The following GSE1 variants were observed in gnomAD, a reference collection of about 807,000 sequenced individuals.
GSE1 encodes the protein Gse1 coiled-coil protein.
In GSE1, 32 loss-of-function variants were observed where a neutral mutation model predicts 112.6. The observed-to-expected ratio is 0.28, with a 90% CI of 0.21 to 0.38. The LOEUF (loss-of-function observed/expected upper bound fraction) is 0.38, where lower values mean the gene tolerates loss of function less well. Among genes scored for constraint, GSE1 ranks in the 10% least tolerant of loss-of-function variants. The pLI is 1.00. For missense variants in GSE1, 2,348 were observed against 1,699.2 expected, an observed-to-expected ratio of 1.38 and a Z score of -6.71; for synonymous variants, 1,115 against 735.6, an observed-to-expected ratio of 1.52 and a Z score of -8.35.
At chr16:85,184,998 A>C (rs748234476) in intron 1 of GSE1, 1 of 152,208 alleles carries the variant, frequency 6.6e-6, no homozygotes, top group East Asian at 1.9e-4. Context: ...GTGTGTGTCT[A>C]TCAGTTGCTA....
At position 85,618,065 on chromosome 16, in the gene GSE1, C is replaced by T. The variant is rs555074372; in HGVS notation, c.7+4667C>T. On this transcript the variant is annotated intron_variant, in intron 1 of 15. Coordinates refer to ENST00000253458, the MANE Select transcript of GSE1 (RefSeq NM_014615.5). Reference sequence around the variant, plus strand: ...TAAAGGGGCTTACAAATGCAGAGTCCCACTGGCATGGGTGGATTCGTGTTC... The same window carrying T: ...TAAAGGGGCTTACAAATGCAGAGTCTCACTGGCATGGGTGGATTCGTGTTC... Among the ~76,000 whole-genome samples the T allele has an allele frequency of 2.6e-5, 4 of 152,230 alleles. No individual in the cohort carries two copies. The South Asian group carries it at 6.2e-4, about 24-fold the overall frequency.
intron 1 of GSE1, among the ~76,000 whole-genome samples, chr16:85,189,864 C>T (rs562217190): frequency 6.6e-6 from 1 of 152,148 alleles, no homozygotes; most frequent in African/African-American, 2.4e-5. Context: ...TAATGATGTC[C>T]CCCCTTTCAT....
chr16:85,364,654 G>T (rs75905102), intron 2 of GSE1, among the ~76,000 whole-genome samples: 1 of 152,008 alleles, frequency 6.6e-6, no homozygotes, highest in African/African-American at 2.4e-5. Flanking sequence ...CATCACCAGC[G>T]GGCACGGGCA....
chr16:85,470,694 C>T (rs985747618), intron 2 of GSE1, among the ~76,000 whole-genome samples: 2 of 152,220 alleles, frequency 1.3e-5, no homozygotes, highest in African/African-American at 2.4e-5. Flanking sequence ...TGAGCAGGTG[C>T]GCTTGCAGCC....
intron 2 of GSE1, among the ~76,000 whole-genome samples, chr16:85,646,892 A>AGGGGGG (rs55946477): frequency 2.3e-5 from 3 of 128,836 alleles, no homozygotes; most frequent in South Asian, 5.2e-4. Context: ...CCCCACAACA[A>AGGGGGG]GGGGGGGGGT....
At chr16:85,187,493 C>T (rs2074729671) in intron 1 of GSE1, among the ~76,000 whole-genome samples, 1 of 152,252 alleles carries the variant, frequency 6.6e-6, no homozygotes, top group African/African-American at 2.4e-5. Context: ...CCCATTCTTG[C>T]TCAGTGTCAC....
chr16:85,621,934 C>T (rs373082333), intron 1 of GSE1, among the ~76,000 whole-genome samples: 2 of 152,136 alleles, frequency 1.3e-5, no homozygotes, highest in Non-Finnish European at 2.9e-5. Context: ...CTTCTCATGG[C>T]GCAACAAGAA....
At chr16:85,233,616 A>G (rs1472084236) in intron 1 of GSE1, among the ~76,000 whole-genome samples, 2 of 151,986 alleles carry the variant, frequency 1.3e-5, no homozygotes, top group East Asian at 1.9e-4. Flanking sequence ...TGGCCTCTGC[A>G]TGTGTGTGTG....
intron 1 of GSE1, among the ~76,000 whole-genome samples, chr16:85,241,744 C>T (rs1403715746): frequency 2.6e-5 from 4 of 152,114 alleles, no homozygotes; most frequent in East Asian, 1.9e-4. Context: ...TTCCTGGAGG[C>T]GGTGTGGCTC....
intron 2 of GSE1, among the ~76,000 whole-genome samples, chr16:85,538,282 C>T (rs1487155306): frequency 1.3e-5 from 2 of 152,246 alleles, no homozygotes; most frequent in Non-Finnish European, 2.9e-5. Context: ...CTGAGCCCTG[C>T]AAAAGGCAAA....
chr16:85,671,449 A>G (rs2053330199), intron 15 of GSE1, among the ~76,000 whole-genome samples: 1 of 148,748 alleles, frequency 6.7e-6, no homozygotes, highest in African/African-American at 2.5e-5. Context: ...CAAAAAAAAA[A>G]AAAAAAAAGA....
intron 2 of GSE1, among the ~76,000 whole-genome samples, chr16:85,438,921 CG>C (rs1261151044): frequency 3.9e-5 from 6 of 152,330 alleles, no homozygotes; most frequent in Admixed American, 3.3e-4. Context: ...GGGATCCCCC[CG>C]CGGCCTCCTG....
At chr16:85,567,385 C>A (rs935983521) in intron 1 of GSE1, among the ~76,000 whole-genome samples, 1 of 152,226 alleles carries the variant, frequency 6.6e-6, no homozygotes, top group African/African-American at 2.4e-5. Context: ...GGGGCCTCAG[C>A]TGGGAAGACT....
intron 2 of GSE1, among the ~76,000 whole-genome samples, chr16:85,638,234 C>T (rs1017583490): frequency 5.3e-5 from 8 of 152,240 alleles, no homozygotes; most frequent in Non-Finnish European, 8.8e-5. Context: ...CTGTGGCATG[C>T]GCTGCCCTGG....
At chr16:85,249,062 G>A (rs1334858575) in intron 1 of GSE1, among the ~76,000 whole-genome samples, 1 of 152,232 alleles carries the variant, frequency 6.6e-6, no homozygotes, top group African/African-American at 2.4e-5. Context: ...AGCCATGCCT[G>A]AAGGCCTCCT....
intron 2 of GSE1, among the ~76,000 whole-genome samples, chr16:85,641,261 G>C (rs574675734): frequency 6.6e-6 from 1 of 152,226 alleles, no homozygotes. Context: ...GGCTCCATCC[G>C]GCTCCCAGGG....
chr16:85,298,921 TG>T (rs1200483628), intron 1 of GSE1, among the ~76,000 whole-genome samples: 2 of 152,140 alleles, frequency 1.3e-5, no homozygotes, highest in Admixed American at 1.3e-4. Context: ...GCTTTCTCCT[TG>T]GTTGGCAAAG....
chr16:85,429,977 C>T lies in GSE1; in HGVS notation c.2464+72334C>T, dbSNP rs532163598. Among the ~76,000 whole-genome samples, 155 of 152,332 alleles carry T rather than the reference C, an allele frequency of 1.0e-3. 1 individual carries two copies. The highest frequency in any genetic ancestry group is 3.3e-3 in the African/African-American group (139 of 41,574). On this transcript the variant is annotated intron_variant, in intron 2 of 2. Coordinates refer to the GSE1 transcript ENST00000637419. ...ACTGTGAACAGAGCCTGGCATTCTG[C>T]GGGGGCTCGGTAAAAACGTGCAGTA... is the stretch of plus-strand genomic sequence containing the variant.
At chr16:85,472,478 C>T (rs1458916635) in intron 2 of GSE1, among the ~76,000 whole-genome samples, 1 of 152,226 alleles carries the variant, frequency 6.6e-6, no homozygotes, top group Non-Finnish European at 1.5e-5. Context: ...CTCAGAAGGA[C>T]AGCTCATTGG....
Sources: allele counts gnomAD v4.1 joint callset (sites outside exome capture counted in the v4.1 genomes callset), GRCh38; gene constraint gnomAD v4.1.1; transcripts MANE v1.5; gene names NCBI Gene and HGNC (gene_info 2026-07-23, HGNC 2026-07-21).